Variants in NAV2 observed in about 807,000 individuals in gnomAD.
NAV2 encodes neuron navigator 2, also known as helicase, APC down-regulated 1.
Under a neutral mutation model 223.2 loss-of-function variants are expected in NAV2, and 54 were observed. The observed-to-expected ratio is 0.24, with a 90% CI of 0.19 to 0.30. The LOEUF is 0.30. Ranked by LOEUF, NAV2 falls within the 10% of genes least tolerant of loss-of-function variation. The pLI is 1.00. For synonymous variants in NAV2, 1,279 were observed against 1,239.3 expected, an observed-to-expected ratio of 1.03 and a Z score of -0.67; for missense variants, 2,806 against 3,147.5, an observed-to-expected ratio of 0.89 and a Z score of 2.60.
At chr11:19,631,054 C>A (rs932174739) in intron 1 of NAV2, among the ~76,000 whole-genome samples, 1 of 149,038 alleles carries the variant, frequency 6.7e-6, no homozygotes, top group East Asian at 1.9e-4. Flanking sequence ...ACAAAAATGG[C>A]CTGAATTGCC....
At chr11:19,970,593 AAAT>A (rs2049152423) in intron 10 of NAV2, among the ~76,000 whole-genome samples, 1 of 152,222 alleles carries the variant, frequency 6.6e-6, no homozygotes, top group Non-Finnish European at 1.5e-5. Context: ...ATTGGTTCTG[AAAT>A]AATAATAACA....
intron 1 of NAV2, among the ~76,000 whole-genome samples, chr11:19,609,564 C>G (rs1324309979): frequency 3.9e-5 from 6 of 152,168 alleles, no homozygotes; most frequent in Non-Finnish European, 1.5e-5. Flanking sequence ...TTCATTCATC[C>G]TGGCGCTGCA....
chr11:19,742,027 G>T (rs561601472), intron 1 of NAV2, among the ~76,000 whole-genome samples: 5 of 151,920 alleles, frequency 3.3e-5, no homozygotes, highest in African/African-American at 1.2e-4. Flanking sequence ...ACTTTTTTTG[G>T]ATGATAGCCA....
At chr11:20,031,334 A>C (rs973691214) in intron 11 of NAV2, among the ~76,000 whole-genome samples, 1 of 152,220 alleles carries the variant, frequency 6.6e-6, no homozygotes, top group African/African-American at 2.4e-5. Context: ...TTTGTGCCTC[A>C]TCCCAGGTTG....
intron 1 of NAV2, among the ~76,000 whole-genome samples, chr11:19,808,829 A>G (rs1433463228): frequency 2.0e-5 from 3 of 152,132 alleles, no homozygotes; most frequent in Non-Finnish European, 2.9e-5. Flanking sequence ...CATTTTGGAG[A>G]CATTTTTTTG....
At chr11:19,723,162 G>A (rs993582068) in intron 1 of NAV2, among the ~76,000 whole-genome samples, 1 of 152,220 alleles carries the variant, frequency 6.6e-6, no homozygotes, top group African/African-American at 2.4e-5. Context: ...TTAGGAAAGG[G>A]AGAAGGTTTA....
chr11:19,396,686 G>A (rs905316769), intron 1 of NAV2, among the ~76,000 whole-genome samples: 1 of 152,172 alleles, frequency 6.6e-6, no homozygotes, highest in African/African-American at 2.4e-5. Flanking sequence ...CTGATAAAGA[G>A]GACTTGGTGA....
chr11:20,000,574 C>T (rs962354595), intron 11 of NAV2, among the ~76,000 whole-genome samples: 1 of 152,142 alleles, frequency 6.6e-6, no homozygotes, highest in East Asian at 1.9e-4. Context: ...TCAAGGAAAC[C>T]TCCCAGAGGG....
At chr11:19,935,849 C>CTTTTTTTT (rs1565594361) in intron 7 of NAV2, among the ~76,000 whole-genome samples, 26 of 69,412 alleles carry the variant, frequency 3.7e-4, no homozygotes, top group Non-Finnish European at 6.7e-4. Flanking sequence ...TGTTTTGTTT[C>CTTTTTTTT]TGTTTTTTTT....
rs895769861 is a variant in NAV2, at chr11:19,752,101, A to T, written c.267+38139A>T. Among the ~76,000 whole-genome samples, 4 of 152,116 alleles carry T rather than the reference A, an allele frequency of 2.6e-5. No individual in the cohort carries two copies. In the East Asian group the frequency reaches 5.8e-4, roughly 22 times the overall value. On this transcript the variant is annotated intron_variant, in intron 1 of 37. Transcript: ENST00000349880. The stretch of plus-strand genomic sequence containing the variant: ...TTTGCAGACAGATAATAGATCAAAC[A>T]TTTTCAGAAGGAACCTTTGGCCCCA...
chr11:19,498,817 G>A (rs1027559891), intron 1 of NAV2, among the ~76,000 whole-genome samples: 11 of 152,178 alleles, frequency 7.2e-5, no homozygotes, highest in East Asian at 3.8e-4. Flanking sequence ...TCTGGGTTCC[G>A]CATGTGCTGT....
intron 1 of NAV2, among the ~76,000 whole-genome samples, chr11:19,365,745 C>T (rs1848255742): frequency 6.6e-6 from 1 of 152,122 alleles, no homozygotes; most frequent in African/African-American, 2.4e-5. Flanking sequence ...TTATGTTTTC[C>T]CTTCTGTCTG....
At position 20,045,347 on chromosome 11, in the gene NAV2, G is replaced by C; in HGVS notation, c.3579G>C (p.Leu1193Phe). 1.9e-6 allele frequency: 3 copies of C among 1,614,154 alleles called. No homozygotes were observed. The South Asian group carries it at 3.3e-5, about 18-fold the overall frequency. ...GGACAAACCTTCAGTACCGGAGTTT[G>C]CCGAGGCCCAGTAAGTCCAACAGCC... is the stretch of plus-strand genomic sequence containing the variant. ...SSRTNLQYRS[L>F]PRPSKSNSRN... Residue 1193 changes from leucine (L) to phenylalanine (F), a missense_variant, in exon 14 of 38, where the codon TTG (leucine) becomes TTC (phenylalanine). Physicochemically the swap from Leu to Phe is conservative, Grantham distance 22. Transcript: ENST00000349880.
intron 1 of NAV2, among the ~76,000 whole-genome samples, chr11:19,691,598 C>T (rs910686379): frequency 6.6e-6 from 1 of 152,064 alleles, no homozygotes; most frequent in African/African-American, 2.4e-5. Context: ...GACGGAGTCT[C>T]GCTCTGTGGC....
intron 19 of NAV2, among the ~76,000 whole-genome samples, chr11:20,057,826 C>G (rs557433067): frequency 6.6e-6 from 1 of 152,314 alleles, no homozygotes; most frequent in South Asian, 2.1e-4. Context: ...TGGAATCAAG[C>G]TGGCAGACAG....
chr11:19,702,707 G>A (rs1236338204), intron 1 of NAV2, among the ~76,000 whole-genome samples: 1 of 151,922 alleles, frequency 6.6e-6, no homozygotes, highest in Non-Finnish European at 1.5e-5. Flanking sequence ...GAGTCCGGAA[G>A]GAGGAGTTTG....
intron 1 of NAV2, among the ~76,000 whole-genome samples, chr11:19,453,887 G>T (rs532104142): frequency 6.6e-6 from 1 of 152,290 alleles, no homozygotes; most frequent in East Asian, 1.9e-4. Flanking sequence ...TGTCACTATT[G>T]TGCCTTAATT....
chr11:19,895,720 G>GT (rs971790535), intron 6 of NAV2, among the ~76,000 whole-genome samples: 3 of 151,752 alleles, frequency 2.0e-5, no homozygotes, highest in East Asian at 3.9e-4. Context: ...GCTGTCCCAG[G>GT]TTTTTTTTTA....
chr11:19,887,761 C>A (rs141747934), intron 5 of NAV2, among the ~76,000 whole-genome samples: 46 of 152,142 alleles, frequency 3.0e-4, no homozygotes, highest in East Asian at 1.4e-3. Flanking sequence ...CTCTGCCCAG[C>A]TGCTGGGCTG....
Sources: allele counts gnomAD v4.1 joint callset (sites outside exome capture counted in the v4.1 genomes callset), GRCh38; gene constraint gnomAD v4.1.1; transcripts MANE v1.5; gene names NCBI Gene and HGNC (gene_info 2026-07-23, HGNC 2026-07-21).